The following DLGAP2 variants were observed in gnomAD, a reference collection of about 807,000 sequenced individuals.
The protein encoded by DLGAP2 is DLG associated protein 2.
Under a neutral mutation model 100.3 loss-of-function variants are expected in DLGAP2, and 26 were observed. The observed-to-expected ratio is 0.26, with a 90% confidence interval of 0.19 to 0.36. The LOEUF (loss-of-function observed/expected upper bound fraction) is 0.36, where lower values mean the gene tolerates loss of function less well. Among genes scored for constraint, DLGAP2 ranks in the 10% least tolerant of loss-of-function variants. DLGAP2 has a pLI of 1.00. For missense variants in DLGAP2, 1,858 were observed against 1,453.2 expected, an observed-to-expected ratio of 1.28 and a Z score of -4.53; for synonymous variants, 886 against 630.1, an observed-to-expected ratio of 1.41 and a Z score of -6.08.
chr8:1,681,839 G>A (rs6981746), intron 12 of DLGAP2, among the ~76,000 whole-genome samples: 39,345 of 151,676 alleles, frequency 0.26, 7,004 homozygotes, highest in East Asian at 0.6. Context: ...GAATAGTAGC[G>A]GTGACCCGGG....
intron 2 of DLGAP2, among the ~76,000 whole-genome samples, chr8:963,451 A>G (rs1233407930): frequency 6.6e-6 from 1 of 152,188 alleles, no homozygotes; most frequent in Non-Finnish European, 1.5e-5. Context: ...CTCTATGTAT[A>G]TGGTACATAT....
rs1370840747 is a variant in DLGAP2 at position 1,128,567 on chromosome 8, G to C, written c.74-130284G>C. On this transcript the variant is annotated intron_variant, in intron 2 of 14. Transcript: ENST00000637795. ...CAACAAGCTGCACCACACAGCCTGG[G>C]TGTGCGGCAGGCTCAATCGCCGGGT... Among the ~76,000 whole-genome samples, 3 of 152,212 alleles carry C rather than the reference G, an allele frequency of 2.0e-5. No individual in the cohort carries two copies. The East Asian group carries it at 5.8e-4, about 29-fold the overall frequency.
Position 1,236,883 on chromosome 8 carries a change from T to C in DLGAP2, c.74-21968T>C, listed in dbSNP as rs1455661817. 7.7e-4 allele frequency among the ~76,000 whole-genome samples: 79 copies of C among 102,130 alleles called. 1 individual carries two copies. The highest frequency in any genetic ancestry group is 1.5e-3 in the Admixed American group (15 of 9,694). 67.0% of individuals were successfully genotyped at this position (102,130 alleles called of 152,430 possible). ...GTCTCACACAGTGCATCGTGTCTAG[T>C]TCTCTAACATGGCGCCATGTTTAGT... On this transcript the variant is annotated intron_variant, in intron 2 of 14. Transcript: ENST00000637795.
rs571751820 is a variant in DLGAP2 at position 1,118,455 on chromosome 8, AG to A, written c.74-140393del. Reference sequence around the variant, plus strand: ...GCCAAGAAAAGCCTAATTTATTTTCAGGGCAAAACTTCTGCACTGGGACAAA... The same window carrying A: ...GCCAAGAAAAGCCTAATTTATTTTCAGGCAAAACTTCTGCACTGGGACAAA... On this transcript the variant is annotated intron_variant, in intron 2 of 14. Transcript: ENST00000637795. 1.4e-4 allele frequency among the ~76,000 whole-genome samples: 21 copies of A among 152,360 alleles called. No individual in the cohort carries two copies. The South Asian group carries it at 2.9e-3, about 21-fold the overall frequency.
chr8:1,240,355 T>C (rs1250555643), intron 2 of DLGAP2, among the ~76,000 whole-genome samples: 2 of 138,732 alleles, frequency 1.4e-5, no homozygotes, highest in Admixed American at 1.5e-4. Context: ...TCATGTCTAG[T>C]TCTGTCTCAC....
intron 3 of DLGAP2, among the ~76,000 whole-genome samples, chr8:1,480,146 C>T (rs1300798845): frequency 6.6e-6 from 1 of 152,178 alleles, no homozygotes; most frequent in Non-Finnish European, 1.5e-5. Context: ...AGGCAGAGAG[C>T]CTTTAACCAC....
At chr8:1,101,346 T>C (rs997061431) in intron 2 of DLGAP2, among the ~76,000 whole-genome samples, 4 of 152,084 alleles carry the variant, frequency 2.6e-5, no homozygotes, top group Non-Finnish European at 4.4e-5. Context: ...GCAGAATCAG[T>C]AAGTGAGCAT....
chr8:1,040,479 G>T (rs1802309149), intron 2 of DLGAP2, among the ~76,000 whole-genome samples: 1 of 149,502 alleles, frequency 6.7e-6, no homozygotes. Context: ...TGCATGGTCG[G>T]CTCGGTTTCC....
chr8:1,601,762 C>G (rs1237214317), intron 6 of DLGAP2, among the ~76,000 whole-genome samples: 7 of 152,162 alleles, frequency 4.6e-5, no homozygotes, highest in South Asian at 2.1e-4. Context: ...GCTCAGAGCT[C>G]TCTCGTAGCT....
At chr8:1,597,517 A>G (rs533265934) in intron 6 of DLGAP2, among the ~76,000 whole-genome samples, 1 of 152,084 alleles carries the variant, frequency 6.6e-6, no homozygotes, top group South Asian at 2.1e-4. Flanking sequence ...ATGTTTTTCC[A>G]TTTATTTGTG....
Position 1,632,892 on chromosome 8 carries a change from A to G in DLGAP2, c.1656A>G (p.Glu552=). 4 of 1,613,878 alleles carry G rather than the reference A, an allele frequency of 2.5e-6. No homozygotes were observed. Among genetic ancestry groups the G allele is most frequent in the Non-Finnish European group, 3.4e-6 (4 of 1,179,870 alleles). ...SVCESVFSEV[E]SQAMDALDLP... ...GCGAGTCCGTCTTCAGTGAAGTTGAATCTCAGGCCATGGATGCCCTCGACC... is the reference window on the plus strand; with the variant it reads ...GCGAGTCCGTCTTCAGTGAAGTTGAGTCTCAGGCCATGGATGCCCTCGACC... The change falls in exon 8 of 15, where the codon GAA becomes GAG. Residue 552 remains glutamate (E), a synonymous_variant. Transcript: ENST00000637795.
intron 3 of DLGAP2, among the ~76,000 whole-genome samples, chr8:1,371,103 C>T (rs1311379077): frequency 4.6e-5 from 7 of 152,216 alleles, no homozygotes; most frequent in Admixed American, 6.5e-5. Context: ...ATAAACCATC[C>T]TGCATGTTTC....
intron 6 of DLGAP2, among the ~76,000 whole-genome samples, chr8:1,579,663 A>G (rs899007866): frequency 3.3e-5 from 5 of 152,206 alleles, no homozygotes; most frequent in Non-Finnish European, 7.3e-5. Context: ...TACCTTATCA[A>G]TAACTAAAAC....
At chr8:1,563,886 T>C (rs1057437428) in intron 5 of DLGAP2, among the ~76,000 whole-genome samples, 1 of 152,192 alleles carries the variant, frequency 6.6e-6, no homozygotes, top group East Asian at 1.9e-4. Context: ...GCAGGTTCCT[T>C]TTCTGATGAT....
At chr8:1,078,148 C>T (rs1357111543) in intron 2 of DLGAP2, among the ~76,000 whole-genome samples, 7 of 152,154 alleles carry the variant, frequency 4.6e-5, no homozygotes, top group Non-Finnish European at 8.8e-5. Context: ...TCCCTCAACA[C>T]GCTGGCCCTC....
intron 3 of DLGAP2, among the ~76,000 whole-genome samples, chr8:1,269,701 C>T (rs938084716): frequency 6.6e-6 from 1 of 152,024 alleles, no homozygotes; most frequent in Non-Finnish European, 1.5e-5. Context: ...CTGTGCACCC[C>T]CCTCCCCCAG....
At chr8:1,498,514 G>A (rs546973872) in intron 3 of DLGAP2, among the ~76,000 whole-genome samples, 5 of 152,310 alleles carry the variant, frequency 3.3e-5, no homozygotes, top group South Asian at 2.1e-4. Flanking sequence ...ATGAGACTCC[G>A]TGGTTTGTAG....
At chr8:802,167 C>CGTCCTCACGGCCTGGGGAATGG (rs1796178780) in intron 1 of DLGAP2, among the ~76,000 whole-genome samples, 1 of 149,090 alleles carries the variant, frequency 6.7e-6, no homozygotes, top group African/African-American at 2.4e-5. Flanking sequence ...CTCCTGGGTC[C>CGTCCTCACGGCCTGGGGAATGG]TCTGTCCTCA....
chr8:1,005,069 A>G (rs1801067490), intron 2 of DLGAP2, among the ~76,000 whole-genome samples: 1 of 152,314 alleles, frequency 6.6e-6, no homozygotes, highest in South Asian at 2.1e-4. Flanking sequence ...TCTGTCTTCC[A>G]CTGCCCTTGT....
Sources: gnomAD v4.1 joint callset for allele counts (sites outside exome capture counted in the v4.1 genomes callset) on GRCh38, gnomAD v4.1.1 for gene constraint, MANE v1.5 for transcripts, NCBI Gene and HGNC (gene_info 2026-07-23, HGNC 2026-07-21) for gene names.